Variants in AJAP1 observed in about 807,000 individuals in gnomAD.
AJAP1 encodes adherens junction-associated protein 1.
AJAP1 carries 5 observed loss-of-function variants against 35.0 expected under a neutral mutation model. That is an observed-to-expected ratio of 0.14 (90% CI 0.07 to 0.30). The LOEUF (loss-of-function observed/expected upper bound fraction) is 0.30. AJAP1 is among the 10% of genes least tolerant of loss of function. The pLI is 1.00. For synonymous variants in AJAP1, 284 were observed against 249.3 expected, an observed-to-expected ratio of 1.14 and a Z score of -1.31; for missense variants, 586 against 571.0, an observed-to-expected ratio of 1.03 and a Z score of -0.27.
chr1:4,754,750 G>A (rs1641390764), intron 2 of AJAP1, among the ~76,000 whole-genome samples: 1 of 152,170 alleles, frequency 6.6e-6, no homozygotes, highest in Admixed American at 6.5e-5. Flanking sequence ...GACGTTGCTG[G>A]GACCCCAGCG....
chr1:4,680,296 CA>C (rs1368066527), intron 1 of AJAP1, among the ~76,000 whole-genome samples: 1 of 152,206 alleles, frequency 6.6e-6, no homozygotes, highest in Non-Finnish European at 1.5e-5. Flanking sequence ...CCCCGTAGCC[CA>C]GTCAAGTTGA....
intron 1 of AJAP1, among the ~76,000 whole-genome samples, chr1:4,661,066 G>A (rs1638988537): frequency 6.6e-6 from 1 of 152,266 alleles, no homozygotes; most frequent in South Asian, 2.1e-4. Context: ...GCTTGAGAAG[G>A]CAGACACTGG....
In AJAP1 at chr1:4,747,241, T is replaced by A. The variant is rs116715060; in HGVS notation, c.830-22612T>A. 3.7e-3 allele frequency among the ~76,000 whole-genome samples: 566 copies of A among 152,278 alleles called. 4 individuals are homozygous for A. Among genetic ancestry groups the A allele is most frequent in the African/African-American group, 0.013 (539 of 41,554 alleles). ...GGAGGGCTCTGTGCATGTCCTGACT[T>A]GGCTGCACTCTGGCCCTCTCCACTT... On this transcript the variant is annotated intron_variant, in intron 2 of 5. Coordinates refer to ENST00000378191, the MANE Select transcript of AJAP1 (RefSeq NM_018836.4).
intron 1 of AJAP1, among the ~76,000 whole-genome samples, chr1:4,708,508 A>G (rs924628459): frequency 7.2e-5 from 11 of 152,210 alleles, no homozygotes; most frequent in Non-Finnish European, 1.3e-4. Context: ...AGAGGTGCTC[A>G]GGGCCAAGCC....
chr1:4,718,467 G>C (rs1640444654), intron 2 of AJAP1, among the ~76,000 whole-genome samples: 1 of 151,528 alleles, frequency 6.6e-6, no homozygotes, highest in South Asian at 2.1e-4. Context: ...GAGATGTCCA[G>C]CCTAAGGCAT....
chr1:4,703,628 C>T (rs867342026), intron 1 of AJAP1, among the ~76,000 whole-genome samples: 2 of 152,194 alleles, frequency 1.3e-5, no homozygotes, highest in South Asian at 4.1e-4. Flanking sequence ...GTGGAACTCA[C>T]ATCTTATCAG....
intron 2 of AJAP1, among the ~76,000 whole-genome samples, chr1:4,742,730 G>A (rs1370328473): frequency 6.6e-6 from 1 of 152,164 alleles, no homozygotes; most frequent in Admixed American, 6.5e-5. Context: ...GAAGAAAAAT[G>A]TGGGTTGGCT....
rs549393453 is a variant in AJAP1 at position 4,655,141 on chromosome 1, C to T, written c.-285C>T. The T allele has an allele frequency of 1.3e-5, 2 of 149,488 alleles. No homozygotes were observed. The highest frequency in any genetic ancestry group is 1.3e-4 in the Admixed American group (2 of 15,022). The allele number at this position is 149,488 out of a possible 1,614,324, so 9.3% of individuals were successfully genotyped here. ...CGCCTCGCTGCCGCCTTCGCTGTGC[C>T]GCCGGCGGAGGGGGCCGCGAGCCCC... On this transcript the variant is annotated 5_prime_UTR_variant, in exon 1 of 6. Coordinates refer to ENST00000378191, the MANE Select transcript of AJAP1 (RefSeq NM_018836.4). This position sits in a 1 kb window ranked among gnomAD's most constrained non-coding sequence, Gnocchi z 6.9.
At chr1:4,714,216 T>C (rs1640336504) in intron 2 of AJAP1, among the ~76,000 whole-genome samples, 1 of 152,186 alleles carries the variant, frequency 6.6e-6, no homozygotes, top group South Asian at 2.1e-4. Context: ...GCTGTGGGCT[T>C]GGGAGAGGCT....
At chr1:4,661,530 G>T (rs891952258) in intron 1 of AJAP1, among the ~76,000 whole-genome samples, 4 of 152,332 alleles carry the variant, frequency 2.6e-5, no homozygotes, top group African/African-American at 9.6e-5. Flanking sequence ...AGGTTTCCAG[G>T]ACTCGAAGGT....
rs949393063 is a variant in AJAP1 at position 4,788,302 on chromosome 1, C to T, written c.*5817C>T. On this transcript the variant is annotated 3_prime_UTR_variant, in exon 6 of 6. Coordinates refer to ENST00000378191, the MANE Select transcript of AJAP1 (RefSeq NM_018836.4). ...TGGTTTTGTGTGTCTAGGTTTAGAG[C>T]TTGTATTTGGATGTAAGGAGTGACT... 6.5e-6 allele frequency: 1 copy of T among 153,492 alleles called. No individual in the cohort carries two copies. Among genetic ancestry groups the T allele is most frequent in the African/African-American group, 2.4e-5 (1 of 41,416 alleles). The allele number at this position is 153,492 out of a possible 1,614,324, so 9.5% of individuals were successfully genotyped here.
chr1:4,689,382 G>A (rs1229917056), intron 1 of AJAP1, among the ~76,000 whole-genome samples: 2 of 152,220 alleles, frequency 1.3e-5, no homozygotes, highest in African/African-American at 2.4e-5. Context: ...GGAGAGTGGA[G>A]CCTCGCGCAG....
At chr1:4,669,170 T>C (rs965478201) in intron 1 of AJAP1, among the ~76,000 whole-genome samples, 3 of 152,214 alleles carry the variant, frequency 2.0e-5, no homozygotes, top group African/African-American at 4.8e-5. Context: ...TCCAAGACCT[T>C]TTCATCACCC....
chr1:4,772,228 G>A, intron 3 of AJAP1, 52 bp from the exon 4 acceptor site: 9 of 1,605,502 alleles, frequency 5.6e-6, no homozygotes, highest in Non-Finnish European at 7.7e-6. Context: ...AGTTGTGTTT[G>A]TGGGTTTCCG....
intron 2 of AJAP1, among the ~76,000 whole-genome samples, chr1:4,759,157 G>C (rs1017398157): frequency 2.6e-5 from 4 of 152,150 alleles, no homozygotes; most frequent in Admixed American, 6.5e-5. Context: ...AGAATCCCTT[G>C]CTCCTCCTTC....
In AJAP1 at chr1:4,712,678, A is replaced by G. The variant is rs377297197; in HGVS notation, c.808A>G (p.Arg270Gly). 31 of 1,517,534 alleles carry G rather than the reference A, an allele frequency of 2.0e-5. No homozygotes were observed. Among genetic ancestry groups the G allele is most frequent in the Middle Eastern group, 1.8e-4 (1 of 5,640 alleles). 94.0% of individuals were successfully genotyped at this position (1,517,534 alleles called of 1,614,324 possible). Residue 270 changes from arginine to glycine, a missense_variant, in exon 2 of 6, where the codon AGG (arginine) becomes GGG (glycine). Coordinates refer to ENST00000378191, the MANE Select transcript of AJAP1 (RefSeq NM_018836.4). ...SNNGEVTQPP[R>G]ILGEASGLAV... is the part of the protein sequence containing the mutation. ...CAACGGGGAAGTCACCCAGCCCCCA[A>G]GGATTCTGGGGGAGGCCTCAGGTAC...
At chr1:4,682,632 T>A (rs910491120) in intron 1 of AJAP1, among the ~76,000 whole-genome samples, 1 of 152,190 alleles carries the variant, frequency 6.6e-6, no homozygotes, top group Non-Finnish European at 1.5e-5. Context: ...CCACCAGAGC[T>A]ATGCTGAGCC....
chr1:4,696,008 T>G (rs1639851009), intron 1 of AJAP1, among the ~76,000 whole-genome samples: 1 of 152,110 alleles, frequency 6.6e-6, no homozygotes, highest in Non-Finnish European at 1.5e-5. Flanking sequence ...GGGAGAACTT[T>G]CTAGATAATC....
intron 3 of AJAP1, among the ~76,000 whole-genome samples, chr1:4,771,866 A>G (rs567528278): frequency 8.6e-5 from 13 of 152,026 alleles, no homozygotes; most frequent in Non-Finnish European, 1.5e-4. Context: ...GACCACCCCA[A>G]CCTGTACCCA....
Sources: allele counts gnomAD v4.1 joint callset (sites outside exome capture counted in the v4.1 genomes callset), GRCh38; gene constraint gnomAD v4.1.1; non-coding constraint Gnocchi (gnomAD v3.1); transcripts MANE v1.5; gene names NCBI Gene and HGNC (gene_info 2026-07-23, HGNC 2026-07-21).